The following PPP2R5E variants were observed in gnomAD, a reference collection of about 807,000 sequenced individuals.
PPP2R5E encodes the protein protein phosphatase 2 regulatory subunit B'epsilon, also known as serine/threonine-protein phosphatase 2A 56 kDa regulatory subunit epsilon isoform.
A neutral mutation model predicts 65.3 loss-of-function variants in PPP2R5E; 4 were observed. The observed-to-expected ratio is 0.06, with a 90% CI of 0.03 to 0.14. PPP2R5E has a LOEUF of 0.14. Ranked by LOEUF, PPP2R5E falls within the 10% of genes least tolerant of loss-of-function variation. The pLI, the probability that PPP2R5E is intolerant of heterozygous loss-of-function variation, is 1.00. For synonymous variants in PPP2R5E, 183 were observed against 187.4 expected (o/e 0.98, Z 0.19); for missense variants, 274 against 556.1 (o/e 0.49, Z 5.10).
intron 2 of PPP2R5E, among the ~76,000 whole-genome samples, chr14:63,482,386 G>T (rs1484818108): frequency 1.3e-5 from 2 of 152,168 alleles, no homozygotes; most frequent in African/African-American, 4.8e-5. Flanking sequence ...TTGAACCCAG[G>T]AGGCAGAGGT....
At chr14:63,506,197 T>C (rs1892165398) in intron 2 of PPP2R5E, among the ~76,000 whole-genome samples, 1 of 152,136 alleles carries the variant, frequency 6.6e-6, no homozygotes, top group Non-Finnish European at 1.5e-5. Context: ...AAGCCTGTAA[T>C]CCTAGCACTT....
intron 5 of PPP2R5E, among the ~76,000 whole-genome samples, chr14:63,397,914 A>C (rs977715965): frequency 3.3e-5 from 5 of 152,206 alleles, no homozygotes; most frequent in African/African-American, 1.2e-4. Flanking sequence ...TTTTTAGCAG[A>C]GACAGGGTTT....
intron 5 of PPP2R5E, among the ~76,000 whole-genome samples, chr14:63,398,198 T>C (rs1420877547): frequency 1.3e-5 from 2 of 152,036 alleles, no homozygotes; most frequent in African/African-American, 4.8e-5. Flanking sequence ...CAACTCAATC[T>C]CTATCAAAAG....
intron 11 of PPP2R5E, among the ~76,000 whole-genome samples, chr14:63,388,297 C>T (rs113160721): frequency 2.6e-5 from 4 of 152,048 alleles, no homozygotes; most frequent in East Asian, 1.9e-4. Context: ...CCCGCCACCA[C>T]GTCCAGCTAA....
At chr14:63,491,469 ATC>A (rs748512268) in intron 2 of PPP2R5E, among the ~76,000 whole-genome samples, 1 of 152,178 alleles carries the variant, frequency 6.6e-6, no homozygotes, top group Non-Finnish European at 1.5e-5. Flanking sequence ...GAAAAAAAGA[ATC>A]TAAAAATAGC....
intron 5 of PPP2R5E, among the ~76,000 whole-genome samples, chr14:63,411,081 A>G (rs1401659970): frequency 2.0e-5 from 3 of 152,246 alleles, no homozygotes; most frequent in African/African-American, 4.8e-5. Context: ...GATCATCAGT[A>G]AACAGCACTA....
intron 4 of PPP2R5E, among the ~76,000 whole-genome samples, chr14:63,416,155 T>C (rs1361096553): frequency 1.3e-5 from 2 of 152,168 alleles, no homozygotes; most frequent in African/African-American, 4.8e-5. Flanking sequence ...TGCAACAGTA[T>C]ATCAAAACCA....
At chr14:63,467,803 G>A (rs1455415082) in intron 2 of PPP2R5E, among the ~76,000 whole-genome samples, 2 of 152,192 alleles carry the variant, frequency 1.3e-5, no homozygotes, top group Non-Finnish European at 2.9e-5. Flanking sequence ...TTGAAATCAG[G>A]GGACCTGGGT....
At chr14:63,437,214 A>G (rs1887990670) in intron 3 of PPP2R5E, among the ~76,000 whole-genome samples, 1 of 152,174 alleles carries the variant, frequency 6.6e-6, no homozygotes, top group African/African-American at 2.4e-5. Context: ...TTCGGGAACT[A>G]CCTATCTCTT....
intron 3 of PPP2R5E, among the ~76,000 whole-genome samples, chr14:63,449,214 G>C (rs982723367): frequency 1.8e-4 from 28 of 152,078 alleles, no homozygotes; most frequent in Non-Finnish European, 3.1e-4. Context: ...AAATCAGCGG[G>C]GACAGTGATT....
intron 5 of PPP2R5E, among the ~76,000 whole-genome samples, chr14:63,397,312 G>C (rs1035742238): frequency 6.6e-6 from 1 of 152,038 alleles, no homozygotes; most frequent in African/African-American, 2.4e-5. Flanking sequence ...GACCAGCCTG[G>C]CCAACATGGT....
intron 13 of PPP2R5E, among the ~76,000 whole-genome samples, chr14:63,380,326 T>G (rs1375037877): frequency 6.6e-6 from 1 of 152,150 alleles, no homozygotes; most frequent in Non-Finnish European, 1.5e-5. Flanking sequence ...AGGAGGGTTA[T>G]CATAAATTTA....
chr14:63,511,595 A>G (rs570753060), intron 2 of PPP2R5E, among the ~76,000 whole-genome samples: 2 of 152,200 alleles, frequency 1.3e-5, no homozygotes, highest in Admixed American at 1.3e-4. Flanking sequence ...TTATCCCCCA[A>G]ATCGAATGCA....
At chr14:63,492,675 G>T (rs562334318) in intron 2 of PPP2R5E, among the ~76,000 whole-genome samples, 19 of 152,136 alleles carry the variant, frequency 1.2e-4, no homozygotes, top group Non-Finnish European at 2.4e-4. Context: ...TTGAAATGTG[G>T]AATAAGAAGA....
At chr14:63,419,248 C>T (rs1886873102) in intron 4 of PPP2R5E, among the ~76,000 whole-genome samples, 1 of 152,190 alleles carries the variant, frequency 6.6e-6, no homozygotes, top group African/African-American at 2.4e-5. Context: ...ACAACCACAT[C>T]TCAATGTCAT....
intron 3 of PPP2R5E, among the ~76,000 whole-genome samples, chr14:63,433,613 G>A (rs1014607365): frequency 2.0e-5 from 3 of 151,748 alleles, no homozygotes; most frequent in East Asian, 1.9e-4. Flanking sequence ...AAAGGTGCGC[G>A]CTGCTCTCAG....
intron 3 of PPP2R5E, 73 bp downstream of exon 3, chr14:63,453,616 C>T: frequency 1.4e-6 from 2 of 1,458,552 alleles, no homozygotes; most frequent in South Asian, 1.3e-5. Flanking sequence ...TGACCTCACT[C>T]TTGCAATATA....
At position 63,455,862 on chromosome 14, in the gene PPP2R5E, G is replaced by A. The variant is rs531238163; in HGVS notation, c.158-1977C>T. ...TTTTTTTAGTTTGAGATGAAGTCTT[G>A]TTCAAGCAATTCTCCTGCCTCAGCC... is the stretch of plus-strand genomic sequence containing the variant. On this transcript the variant is annotated intron_variant, in intron 2 of 13. Coordinates refer to ENST00000337537, the MANE Select transcript of PPP2R5E (RefSeq NM_006246.5). Among the ~76,000 whole-genome samples the A allele has an allele frequency of 3.3e-5, 5 of 151,878 alleles. No homozygotes were observed. The South Asian group carries it at 8.3e-4, about 25-fold the overall frequency.
chr14:63,542,419 T>C (rs149125042), intron 1 of PPP2R5E, among the ~76,000 whole-genome samples: 114 of 151,944 alleles, frequency 7.5e-4, no homozygotes, highest in African/African-American at 2.6e-3. Flanking sequence ...CATACTCCCT[T>C]TGCTCCTAAC....
Sources: allele counts gnomAD v4.1 joint callset (sites outside exome capture counted in the v4.1 genomes callset), GRCh38; gene constraint gnomAD v4.1.1; transcripts MANE v1.5; gene names NCBI Gene and HGNC (gene_info 2026-07-23, HGNC 2026-07-21).